The following MTMR8 variants were observed in gnomAD, a reference collection of about 807,000 sequenced individuals.
MTMR8 encodes myotubularin related protein 8.
Under a neutral mutation model 39.3 loss-of-function variants are expected in MTMR8, and 65 were observed. The observed-to-expected ratio is 1.65, with a 90% CI of 1.35 to 2.03. The LOEUF is 2.03. Among genes scored for constraint, MTMR8 ranks in the 30% most tolerant of loss-of-function variants. The probability of loss-of-function intolerance (pLI) is 0.00; values close to 1 mark genes in which losing one functional copy is unlikely to be tolerated. For missense variants in MTMR8, 777 were observed against 538.9 expected (o/e 1.44, Z -4.37); for synonymous variants, 245 against 185.2 (o/e 1.32, Z -2.62).
chrX:64,297,752 T>G (rs1921671699), intron 12 of MTMR8, among the ~76,000 whole-genome samples: 1 of 110,360 alleles, frequency 9.1e-6, no homozygotes, highest in African/African-American at 3.3e-5. Context: ...TTGAATTGAT[T>G]TTTGTATAAG....
chrX:64,383,628 G>C (rs1924487393), intron 1 of MTMR8, among the ~76,000 whole-genome samples: 1 of 109,639 alleles, frequency 9.1e-6, no homozygotes, highest in Non-Finnish European at 1.9e-5. Flanking sequence ...GAAGTAAAAT[G>C]GGGGGAAGAA....
intron 1 of MTMR8, among the ~76,000 whole-genome samples, chrX:64,385,372 A>T (rs948303691): frequency 9.1e-6 from 1 of 109,955 alleles, no homozygotes; most frequent in Non-Finnish European, 1.9e-5. Flanking sequence ...AGCCCTCCAA[A>T]CTCTTCCAAC....
intron 4 of MTMR8, among the ~76,000 whole-genome samples, chrX:64,353,182 G>A (rs1602143419): frequency 8.9e-6 from 1 of 111,862 alleles, no homozygotes; most frequent in South Asian, 3.7e-4. Flanking sequence ...ATTGGTCTGG[G>A]CAAAGACTTC....
At chrX:64,367,877 A>T (rs1261603330) in intron 1 of MTMR8, among the ~76,000 whole-genome samples, 1 of 111,987 alleles carries the variant, frequency 8.9e-6, no homozygotes, top group African/African-American at 3.2e-5. Flanking sequence ...TCTCAGCCCA[A>T]AATCTCATTA....
intron 12 of MTMR8, among the ~76,000 whole-genome samples, chrX:64,279,177 C>T (rs746964764): frequency 6.3e-5 from 7 of 111,959 alleles, no homozygotes; most frequent in African/African-American, 2.3e-4. Context: ...AAAGCCACCC[C>T]TTCCCCCTAA....
intron 1 of MTMR8, among the ~76,000 whole-genome samples, chrX:64,360,575 G>A (rs747998072): frequency 2.7e-5 from 3 of 110,318 alleles, no homozygotes; most frequent in African/African-American, 6.6e-5. Flanking sequence ...AATTCCAAAC[G>A]TTCAATATCA....
chrX:64,385,278 T>C (rs1269962080), intron 1 of MTMR8, among the ~76,000 whole-genome samples: 1 of 111,779 alleles, frequency 8.9e-6, no homozygotes, highest in Admixed American at 9.5e-5. Flanking sequence ...TCATTGTCCA[T>C]ATCACTATCA....
chrX:64,368,490 C>T (rs1020337019), intron 1 of MTMR8, among the ~76,000 whole-genome samples: 3 of 111,461 alleles, frequency 2.7e-5, no homozygotes, highest in Non-Finnish European at 3.8e-5. Context: ...ACAAACCTGA[C>T]AAAAACAAGA....
At position 64,359,454 on chromosome X, in the gene MTMR8, G is replaced by T; in HGVS notation, c.98C>A (p.Thr33Asn). 8.3e-7 allele frequency: 1 copy of T among 1,207,983 alleles called. No individual in the cohort carries two copies. Reference protein sequence around the residue: ...PANGILYLTATHLIYVEASGA... With the variant: ...PANGILYLTANHLIYVEASGA... The stretch of plus-strand genomic sequence containing the variant: ...TGAAGCCTCCACATAGATCAGGTGG[G>T]TTGCAGTAAGATAAAGAATCCCATT... Residue 33 changes from threonine to asparagine, a missense_variant, in exon 2 of 14, where the codon ACC becomes AAC. By Grantham distance (65) the Thr-to-Asn change is moderately conservative (BLOSUM62 0). Transcript: ENST00000374852.
At chrX:64,356,373 G>A in intron 2 of MTMR8, 35 bp from the exon 3 acceptor site, 2 of 1,145,302 alleles carry the variant, frequency 1.7e-6, no homozygotes, top group Middle Eastern at 2.4e-4. Context: ...TAAACATACA[G>A]ATGTGCAATA....
At chrX:64,373,250 T>C (rs934111561) in intron 1 of MTMR8, among the ~76,000 whole-genome samples, 1 of 111,710 alleles carries the variant, frequency 9.0e-6, no homozygotes, top group Non-Finnish European at 1.9e-5. Flanking sequence ...TTTGGATTTG[T>C]GTCCTTTCCC....
At chrX:64,367,153 G>T (rs1357633828) in intron 1 of MTMR8, among the ~76,000 whole-genome samples, 18 of 111,744 alleles carry the variant, frequency 1.6e-4, no homozygotes. Flanking sequence ...GGACCAGACA[G>T]ATTCATAGCC....
intron 3 of MTMR8, among the ~76,000 whole-genome samples, chrX:64,355,297 C>T (rs752254584): frequency 5.4e-5 from 6 of 111,957 alleles, no homozygotes; most frequent in African/African-American, 1.9e-4. Flanking sequence ...CCTAATAGTA[C>T]TGCTTATTGT....
rs186966877 is a variant in MTMR8 at position 64,343,909 on chromosome X, C to T, written c.866-189G>A. Among the ~76,000 whole-genome samples, 5 of 111,589 alleles carry T rather than the reference C, an allele frequency of 4.5e-5. No homozygotes were observed. In the East Asian group the frequency reaches 1.4e-3, roughly 32 times the overall value. ...GCCTACCAGATCTCCTCGCCTGGGC[C>T]TCTGCTTTATCATGCTGTAGAACCC... On this transcript the variant is annotated intron_variant, in intron 7 of 13. Coordinates refer to ENST00000374852, the MANE Select transcript of MTMR8 (RefSeq NM_017677.4).
At chrX:64,297,806 A>C (rs1201679264) in intron 12 of MTMR8, among the ~76,000 whole-genome samples, 4 of 111,037 alleles carry the variant, frequency 3.6e-5, no homozygotes, top group Admixed American at 9.6e-5. Context: ...ATATGACTAG[A>C]CAGTTTCCCC....
chrX:64,298,998 T>G (rs1171702878), intron 12 of MTMR8, among the ~76,000 whole-genome samples: 1 of 71,042 alleles, frequency 1.4e-5, no homozygotes, highest in Non-Finnish European at 2.4e-5. Flanking sequence ...TTATCGAGGA[T>G]TTTTGCATCA....
chrX:64,386,198 C>T (rs1602160193), intron 1 of MTMR8, among the ~76,000 whole-genome samples: 2 of 111,736 alleles, frequency 1.8e-5, no homozygotes, highest in Non-Finnish European at 3.8e-5. Flanking sequence ...TCTGTTAATG[C>T]CCAGTGGGAA....
intron 1 of MTMR8, among the ~76,000 whole-genome samples, chrX:64,385,050 C>T (rs1024631811): frequency 8.0e-5 from 9 of 112,156 alleles, no homozygotes; most frequent in Admixed American, 6.6e-4. Context: ...TGAGCATAGG[C>T]AGTTAGAAGC....
At chrX:64,343,301 T>A (rs1451068682) in intron 8 of MTMR8, among the ~76,000 whole-genome samples, 2 of 111,934 alleles carry the variant, frequency 1.8e-5, no homozygotes, top group Non-Finnish European at 3.8e-5. Flanking sequence ...GAAATTGAGG[T>A]TCATTTTCTG....
Sources: allele counts gnomAD v4.1 joint callset (sites outside exome capture counted in the v4.1 genomes callset), GRCh38; gene constraint gnomAD v4.1.1; transcripts MANE v1.5; gene names NCBI Gene and HGNC (gene_info 2026-07-23, HGNC 2026-07-21).